Variants in KNL1 observed in about 807,000 individuals in gnomAD.
KNL1 encodes the protein outer kinetochore KNL1 complex subunit KNL1.
KNL1 carries 66 observed loss-of-function variants against 201.3 expected under a neutral mutation model. The ratio of observed to expected loss-of-function variants is 0.33; its 90% confidence interval spans 0.27 to 0.40. The LOEUF (loss-of-function observed/expected upper bound fraction) is 0.40, where lower values mean the gene tolerates loss of function less well. Ranked by LOEUF, KNL1 falls within the 10% of genes least tolerant of loss-of-function variation. The pLI is 1.00. For missense variants in KNL1, 2,815 were observed against 2,690.5 expected (o/e 1.05, Z -1.02); for synonymous variants, 895 against 899.2 (o/e 1.00, Z 0.08).
At chr15:40,635,346 C>G (rs1391359993) in intron 13 of KNL1, among the ~76,000 whole-genome samples, 2 of 151,690 alleles carry the variant, frequency 1.3e-5, no homozygotes, top group South Asian at 4.2e-4. Context: ...GCCACCATGC[C>G]CGGCCTGTTT....
At position 40,608,869 on chromosome 15, in the gene KNL1, A is replaced by G. The variant is rs2141704224; in HGVS notation, c.158A>G (p.Lys53Arg). Residue 53 changes from lysine (K) to arginine (R), a missense_variant, in exon 5 of 26, where the codon AAG (lysine) becomes AGG (arginine). Lys to Arg is a conservative substitution (Grantham distance 26). Coordinates refer to ENST00000399668, the MANE Select transcript of KNL1 (RefSeq NM_144508.5). ...RVQESNALRN[K>R]KNSRRVSFAD... is the part of the protein sequence containing the mutation. ...TAGGAATCCAATGCTTTGAGAAATAAGAAAAACTCTCGTCGAGTCAGCTTT... is the reference window on the plus strand; with the variant it reads ...TAGGAATCCAATGCTTTGAGAAATAGGAAAAACTCTCGTCGAGTCAGCTTT... The G allele has an allele frequency of 1.2e-6, 2 of 1,611,684 alleles. No homozygotes were observed. The highest frequency in any genetic ancestry group is 1.7e-6 in the Non-Finnish European group (2 of 1,178,378).
At chr15:40,648,867 G>A (rs1893472366) in intron 17 of KNL1, among the ~76,000 whole-genome samples, 2 of 124,290 alleles carry the variant, frequency 1.6e-5, no homozygotes, top group Non-Finnish European at 3.2e-5. Context: ...TTTCACTGTC[G>A]TTACCCAGGC....
chr15:40,599,225 G>T (rs1891708501), intron 1 of KNL1, among the ~76,000 whole-genome samples: 1 of 150,656 alleles, frequency 6.6e-6, no homozygotes, highest in African/African-American at 2.4e-5. Flanking sequence ...GGCTACTTGG[G>T]AGGCATGAAC....
chr15:40,626,292 G>GC (rs768637728), intron 10 of KNL1, among the ~76,000 whole-genome samples: 2 of 150,826 alleles, frequency 1.3e-5, no homozygotes, highest in Non-Finnish European at 3.0e-5. Context: ...AGCTAGGATT[G>GC]CAGGTGCCTG....
Position 40,623,106 on chromosome 15 carries a change from A to G in KNL1, c.2842A>G (p.Asn948Asp), listed in dbSNP as rs766673957. 1.2e-6 allele frequency: 2 copies of G among 1,613,928 alleles called. No individual in the cohort carries two copies. Among genetic ancestry groups the G allele is most frequent in the Admixed American group, 1.7e-5 (1 of 59,988 alleles). The change falls in exon 10 of 26, where the codon AAT becomes GAT. Residue 948 changes from asparagine (N) to aspartate (D), a missense_variant. Asn to Asp is a conservative substitution (Grantham distance 23). Coordinates refer to ENST00000399668, the MANE Select transcript of KNL1 (RefSeq NM_144508.5). ...GGACAAAACTGTAGTGTTTGTAGAT[A>G]ATCATGTTGAACTAGAAATGACAGA... ...PMDKTVVFVD[N>D]HVELEMTESH...
chr15:40,597,490 G>T (rs1891653991), intron 1 of KNL1, among the ~76,000 whole-genome samples: 1 of 152,118 alleles, frequency 6.6e-6, no homozygotes, highest in Non-Finnish European at 1.5e-5. Context: ...GTCCAGGCTG[G>T]TCTTGAACTC....
At chr15:40,631,126 AAAATAAAAAT>A (rs1250292188) in intron 13 of KNL1, among the ~76,000 whole-genome samples, 5 of 151,850 alleles carry the variant, frequency 3.3e-5, no homozygotes, top group South Asian at 2.1e-4. Flanking sequence ...TCAAAAAATA[AAAATAAAAAT>A]AAATAAAAAT....
intron 1 of KNL1, among the ~76,000 whole-genome samples, chr15:40,601,892 G>A (rs1223362157): frequency 1.9e-4 from 16 of 83,614 alleles, no homozygotes; most frequent in Non-Finnish European, 3.5e-4. Flanking sequence ...TTTTGAGACA[G>A]ATTCTCGCTC....
intron 9 of KNL1, among the ~76,000 whole-genome samples, chr15:40,619,894 A>T (rs1348427851): frequency 6.6e-6 from 1 of 152,176 alleles, no homozygotes; most frequent in Non-Finnish European, 1.5e-5. Flanking sequence ...ATTTGTCCCA[A>T]AACACTAAAA....
At chr15:40,626,875 C>G (rs1037278592) in intron 10 of KNL1, among the ~76,000 whole-genome samples, 9 of 151,258 alleles carry the variant, frequency 6.0e-5, no homozygotes, top group African/African-American at 2.2e-4. Context: ...CCACCACGGC[C>G]CATAATGGCG....
At chr15:40,608,818 G>A in intron 4 of KNL1, 29 bp from the exon 5 acceptor site, 2 of 1,498,126 alleles carry the variant, frequency 1.3e-6, no homozygotes, top group Non-Finnish European at 1.9e-6. Flanking sequence ...ATTTTATTAA[G>A]AATTATACCA....
In KNL1 at chr15:40,625,573, A is replaced by G; in HGVS notation, c.5309A>G (p.Asp1770Gly). 1.2e-6 allele frequency: 2 copies of G among 1,606,712 alleles called. No homozygotes were observed. Among genetic ancestry groups the G allele is most frequent in the Non-Finnish European group, 1.7e-6 (2 of 1,178,210 alleles). The change falls in exon 10 of 26, where the codon GAT becomes GGT. Residue 1770 changes from aspartate to glycine, a missense_variant. Asp to Gly is a moderately conservative substitution (Grantham distance 94, BLOSUM62 -1). Coordinates refer to ENST00000399668, the MANE Select transcript of KNL1 (RefSeq NM_144508.5). ...AGAACGTGGGTACAAGAAGAAGAAG[A>G]TATTCATAAGGAGAAAAAAATCAGA... The part of the protein sequence containing the change: ...QKRTWVQEEE[D>G]IHKEKKIRKN...
chr15:40,623,555 T>A lies in KNL1; in HGVS notation c.3291T>A (p.Asp1097Glu). Residue 1097 changes from aspartate (D) to glutamate (E), a missense_variant, in exon 10 of 26, where the codon GAT (aspartate) becomes GAA (glutamate). This residue lies in a region of KNL1 where 2,464 missense variants were observed against 2,291.7 expected (regional missense o/e 1.08). Coordinates refer to ENST00000399668, the MANE Select transcript of KNL1 (RefSeq NM_144508.5). Reference sequence around the variant, plus strand: ...CCCAGAGTTGTATGGTGGAAATAGATAACGAAAGTGCCCTGGAGGATAAAG... The same window carrying A: ...CCCAGAGTTGTATGGTGGAAATAGAAAACGAAAGTGCCCTGGAGGATAAAG... Reference protein sequence around the residue: ...DITQSCMVEIDNESALEDKED... With the variant: ...DITQSCMVEIENESALEDKED... 1 of 1,613,696 alleles carries A rather than the reference T, an allele frequency of 6.2e-7. No homozygotes were observed. Among genetic ancestry groups the A allele is most frequent in the Non-Finnish European group, 8.5e-7 (1 of 1,179,928 alleles).
chr15:40,636,888 A>G (rs1268742635), intron 13 of KNL1, among the ~76,000 whole-genome samples: 1 of 152,026 alleles, frequency 6.6e-6, no homozygotes, highest in African/African-American at 2.4e-5. Flanking sequence ...CCCCCGCATT[A>G]TTGTGAAGCA....
In KNL1 at chr15:40,641,009, G is replaced by T. The variant is rs776587767; in HGVS notation, c.5780G>T (p.Arg1927Leu). 1.2e-6 allele frequency: 2 copies of T among 1,608,650 alleles called. No homozygotes were observed. Among genetic ancestry groups the T allele is most frequent in the Non-Finnish European group, 1.7e-6 (2 of 1,176,364 alleles). The change falls in exon 14 of 26, where the codon CGT becomes CTT. Residue 1927 changes from arginine to leucine, a missense_variant. Transcript: ENST00000399668. ...ATTTATAGAGAAGATTGTGAGGCTCGTCGCCAAAAGATTGAAGAGTATGAA... is the reference window on the plus strand; with the variant it reads ...ATTTATAGAGAAGATTGTGAGGCTCTTCGCCAAAAGATTGAAGAGTATGAA... ...IQIYREDCEA[R>L]RQKIEELKLS...
intron 13 of KNL1, 27 bp downstream of exon 13, chr15:40,629,398 T>TAAAATATATTGCACTTTTTACTAAAC (rs1892840969): frequency 4.0e-6 from 6 of 1,484,952 alleles, no homozygotes; most frequent in East Asian, 2.3e-5. Flanking sequence ...GGCAAAATGT[T>TAAAATATATTGCACTTTTTACTAAAC]TGCATCAAAG....
chr15:40,630,147 A>G (rs1000154424), intron 13 of KNL1, among the ~76,000 whole-genome samples: 20 of 152,188 alleles, frequency 1.3e-4, no homozygotes, highest in Non-Finnish European at 2.4e-4. Flanking sequence ...GCAACATATC[A>G]GTATCCTGTC....
chr15:40,660,725 T>G (rs2141771804), intron 25 of KNL1, among the ~76,000 whole-genome samples: 1 of 151,244 alleles, frequency 6.6e-6, no homozygotes, highest in East Asian at 2.0e-4. Flanking sequence ...GCCCAGCACT[T>G]TGGGAGGCTG....
chr15:40,607,884 A>G (rs567579284), intron 4 of KNL1, among the ~76,000 whole-genome samples: 1 of 152,158 alleles, frequency 6.6e-6, no homozygotes, highest in Non-Finnish European at 1.5e-5. Flanking sequence ...GGAAAACAGT[A>G]TGGCAATTCC....
Sources: allele counts gnomAD v4.1 joint callset (sites outside exome capture counted in the v4.1 genomes callset), GRCh38; gene constraint gnomAD v4.1.1; regional missense constraint gnomAD v4.1.1; transcripts MANE v1.5; gene names NCBI Gene and HGNC (gene_info 2026-07-23, HGNC 2026-07-21).